The following COL4A4 variants were observed in gnomAD, a reference collection of about 807,000 sequenced individuals.
COL4A4 encodes collagen type IV alpha 4 chain, also known as collagen alpha-4(IV) chain.
COL4A4 carries 105 observed loss-of-function variants against 192.9 expected under a neutral mutation model. The ratio of observed to expected loss-of-function variants is 0.54; its 90% CI spans 0.46 to 0.64. The LOEUF (loss-of-function observed/expected upper bound fraction) is 0.64. Among genes scored for constraint, COL4A4 ranks in the 30% least tolerant of loss-of-function variants. The pLI, the probability that COL4A4 is intolerant of heterozygous loss-of-function variation, is 0.00. For missense variants in COL4A4, 1,967 were observed against 2,169.3 expected (o/e 0.91, Z 1.85); for synonymous variants, 762 against 769.9 (o/e 0.99, Z 0.17).
chr2:226,982,622 T>C, the COL4A4 span, among the ~76,000 whole-genome samples: 1 of 152,198 alleles, frequency 6.6e-6, no homozygotes, highest in Non-Finnish European at 1.5e-5. Context: ...ACAAATAGAC[T>C]GAATTGTGTT....
intron 30 of COL4A4, 75 bp from the exon 31 acceptor site, chr2:227,054,812 CAG>C: frequency 6.8e-7 from 1 of 1,474,364 alleles, no homozygotes; most frequent in Non-Finnish European, 9.3e-7. Context: ...GGGAGGTGGA[CAG>C]AGTCTCACTC....
At chr2:227,041,846 A>AAGAGAGAGAGAGAGAGAGAG (rs767450885) in intron 37 of COL4A4, among the ~76,000 whole-genome samples, 12 of 39,318 alleles carry the variant, frequency 3.1e-4, no homozygotes, top group Middle Eastern at 0.021. Context: ...GAAAGAAAGA[A>AAGAGAGAGAGAGAGAGAGAG]AGAGAAAGAA....
intron 29 of COL4A4, 55 bp downstream of exon 29, chr2:227,057,384 T>G: frequency 6.5e-7 from 1 of 1,544,582 alleles, no homozygotes; most frequent in East Asian, 2.4e-5. Context: ...AAAGGGGAGC[T>G]TATTTAATTG....
rs71431018 is a variant in COL4A4, at chr2:227,026,023, C to T, written c.4082-213G>A. Among the ~76,000 whole-genome samples, 1,934 of 152,110 alleles carry T rather than the reference C, an allele frequency of 0.013. 20 individuals carry two copies. Among genetic ancestry groups the T allele is most frequent in the Non-Finnish European group, 0.022 (1,525 of 67,988 alleles). On this transcript the variant is annotated intron_variant, in intron 42 of 47. Coordinates refer to ENST00000396625, the MANE Select transcript of COL4A4 (RefSeq NM_000092.5). ...GACAGGAGCAGCTATGATTTAGTAA[C>T]GGAGTTTTCATCTCTAGAATGACTT...
intron 37 of COL4A4, among the ~76,000 whole-genome samples, chr2:227,034,604 T>G (rs1226040570): frequency 6.6e-6 from 1 of 151,444 alleles, no homozygotes; most frequent in Non-Finnish European, 1.5e-5. Flanking sequence ...TTAGGGTACA[T>G]GTGCACAATG....
At chr2:227,163,752 C>T (rs1337038851) in intron 1 of COL4A4, among the ~76,000 whole-genome samples, 2 of 152,250 alleles carry the variant, frequency 1.3e-5, no homozygotes, top group Non-Finnish European at 2.9e-5. Flanking sequence ...CTGCCTCTTT[C>T]TCTTGGCATT....
chr2:227,028,362 G>A (rs963610960), intron 41 of COL4A4, among the ~76,000 whole-genome samples: 4 of 152,138 alleles, frequency 2.6e-5, no homozygotes, highest in African/African-American at 9.7e-5. Flanking sequence ...CTCCCCAGGC[G>A]AGTTCAACCA....
At position 227,108,694 on chromosome 2, in the gene COL4A4, C is replaced by A. The variant is rs55741079; in HGVS notation, c.694-72G>T. 816,952 of 1,560,598 alleles carry A rather than the reference C, an allele frequency of 0.52. 223,608 individuals are homozygous for A. The highest frequency in any genetic ancestry group is 0.57 in the Non-Finnish European group (645,960 of 1,131,678). On this transcript the variant is annotated intron_variant, in intron 11 of 47. Transcript: ENST00000396625. ...AAGTAATTAAAAGCAATTAAGACTT[C>A]TGGCTACACAATATATTGCAGTTCA...
At chr2:227,149,199 C>T (rs1247530702) in intron 1 of COL4A4, among the ~76,000 whole-genome samples, 1 of 152,070 alleles carries the variant, frequency 6.6e-6, no homozygotes, top group Non-Finnish European at 1.5e-5. Context: ...TAATTCAATG[C>T]TGTATGTATG....
the COL4A4 span, among the ~76,000 whole-genome samples, chr2:226,972,930 A>C: frequency 7.2e-5 from 2 of 27,870 alleles, no homozygotes; most frequent in African/African-American, 2.1e-4. Flanking sequence ...AGCCTGTAGC[A>C]AAAAAAAAAA....
At chr2:226,984,952 G>A in the COL4A4 span, among the ~76,000 whole-genome samples, 1 of 150,522 alleles carries the variant, frequency 6.6e-6, no homozygotes, top group African/African-American at 2.5e-5. Context: ...AGGAGGGGCA[G>A]AAGCAAAGAG....
intron 22 of COL4A4, among the ~76,000 whole-genome samples, chr2:227,086,672 A>C (rs1228050669): frequency 6.6e-6 from 1 of 152,188 alleles, no homozygotes; most frequent in Non-Finnish European, 1.5e-5. Context: ...CTTAGCCATG[A>C]TAACCCTAGA....
At chr2:227,088,172 G>A (rs1381732671) in intron 22 of COL4A4, among the ~76,000 whole-genome samples, 1 of 152,184 alleles carries the variant, frequency 6.6e-6, no homozygotes, top group Non-Finnish European at 1.5e-5. Context: ...ATGTTTGTAG[G>A]TTCAAAACAT....
the COL4A4 span, among the ~76,000 whole-genome samples, chr2:226,978,387 T>G: frequency 1.3e-5 from 2 of 152,182 alleles, no homozygotes; most frequent in Non-Finnish European, 2.9e-5. Context: ...GGGAAACATG[T>G]GTGTACTGGT....
the COL4A4 span, among the ~76,000 whole-genome samples, chr2:226,986,878 G>A: frequency 2.7e-3 from 406 of 152,306 alleles, 2 homozygotes; most frequent in African/African-American, 9.3e-3. Flanking sequence ...ACACATGCAC[G>A]TGTGTGCTTA....
At chr2:226,967,513 T>C in the COL4A4 span, among the ~76,000 whole-genome samples, 1 of 151,058 alleles carries the variant, frequency 6.6e-6, no homozygotes, top group Non-Finnish European at 1.5e-5. Flanking sequence ...TAGGTATATC[T>C]CCTAATGCTA....
chr2:227,026,411 C>T (rs527978535), intron 42 of COL4A4, among the ~76,000 whole-genome samples: 2 of 151,120 alleles, frequency 1.3e-5, no homozygotes, highest in African/African-American at 4.9e-5. Context: ...GGCAGGAGAA[C>T]GGGCGTGAAC....
At chr2:227,089,824 T>C (rs761190256) in intron 21 of COL4A4, 44 bp downstream of exon 21, 17 of 1,474,438 alleles carry the variant, frequency 1.2e-5, no homozygotes, top group Middle Eastern at 1.7e-4. Flanking sequence ...CGATCATCCA[T>C]GTACAGTTGT....
chr2:227,060,689 G>A (rs1374812896), intron 26 of COL4A4, among the ~76,000 whole-genome samples: 2 of 151,064 alleles, frequency 1.3e-5, no homozygotes, highest in African/African-American at 4.9e-5. Flanking sequence ...CTTAAATGAA[G>A]TATAGGCAAA....
Sources: allele counts gnomAD v4.1 joint callset (sites outside exome capture counted in the v4.1 genomes callset), GRCh38; gene constraint gnomAD v4.1.1; transcripts MANE v1.5; gene names NCBI Gene and HGNC (gene_info 2026-07-23, HGNC 2026-07-21).